CADM1: variants seen among roughly 807,000 people sequenced by gnomAD.
The protein encoded by CADM1 is cell adhesion molecule 1.
A neutral mutation model predicts 53.1 loss-of-function variants in CADM1; 15 were observed. The ratio of observed to expected loss-of-function variants is 0.28; its 90% CI spans 0.19 to 0.44. The LOEUF (loss-of-function observed/expected upper bound fraction) is 0.44, where lower values mean the gene tolerates loss of function less well. Ranked by LOEUF, CADM1 falls within the 20% of genes least tolerant of loss-of-function variation. The probability of loss-of-function intolerance (pLI) is 1.00; values close to 1 mark genes in which losing one functional copy is unlikely to be tolerated. For synonymous variants in CADM1, 281 were observed against 243.0 expected, an observed-to-expected ratio of 1.16 and a Z score of -1.45; for missense variants, 434 against 611.3, an observed-to-expected ratio of 0.71 and a Z score of 3.06.
chr11:115,368,358 G>A (rs755018638), intron 1 of CADM1, among the ~76,000 whole-genome samples: 12 of 152,024 alleles, frequency 7.9e-5, no homozygotes, highest in African/African-American at 1.9e-4. Flanking sequence ...AACACTTGTC[G>A]TTGTGAGGTC....
intron 1 of CADM1, among the ~76,000 whole-genome samples, chr11:115,407,111 G>A (rs1186654467): frequency 6.6e-6 from 1 of 152,016 alleles, no homozygotes; most frequent in Non-Finnish European, 1.5e-5. Context: ...ATTTCACCAG[G>A]ATTAACTGTA....
intron 1 of CADM1, among the ~76,000 whole-genome samples, chr11:115,351,708 C>T (rs1334344547): frequency 6.6e-6 from 1 of 152,136 alleles, no homozygotes; most frequent in East Asian, 1.9e-4. Flanking sequence ...ACACAGAAAA[C>T]ATTCTCTTAA....
chr11:115,257,878 G>A (rs993423701), intron 1 of CADM1, among the ~76,000 whole-genome samples: 5 of 152,210 alleles, frequency 3.3e-5, no homozygotes, highest in African/African-American at 1.2e-4. Context: ...GCCCTTCCCA[G>A]GGTTTCAGAT....
intron 1 of CADM1, among the ~76,000 whole-genome samples, chr11:115,499,727 C>A (rs1474518004): frequency 2.6e-5 from 4 of 152,238 alleles, no homozygotes; most frequent in Non-Finnish European, 4.4e-5. Context: ...CCTTCGGCTA[C>A]TTTACTTCAA....
In CADM1 at chr11:115,247,568, C is replaced by T. The variant is rs1461254648; in HGVS notation, c.125-7148G>A. Among the ~76,000 whole-genome samples the T allele has an allele frequency of 3.3e-5, 5 of 152,278 alleles. No homozygotes were observed. In the East Asian group the frequency reaches 9.6e-4, roughly 29 times the overall value. On this transcript the variant is annotated intron_variant, in intron 1 of 11. Transcript: ENST00000331581. ...CAAGGGGGTTAAAGATGGAATTTCA[C>T]CTTTAAGTCCAAAATGCACATGAAG...
intron 10 of CADM1, among the ~76,000 whole-genome samples, chr11:115,181,516 A>C (rs1939311014): frequency 6.6e-6 from 1 of 152,206 alleles, no homozygotes; most frequent in Admixed American, 6.5e-5. Context: ...TTAATCACCA[A>C]GACATTTCTC....
Position 115,173,788 on chromosome 11 carries a change from A to C in CADM1, c.*2686T>G, listed in dbSNP as rs1938888733. ...TTACACTGTAACATTGTCCATGTAC[A>C]CCTTAAAAACAGAACTGGCCTAAAG... On this transcript the variant is annotated 3_prime_UTR_variant, in exon 12 of 12. Coordinates refer to ENST00000331581, the MANE Select transcript of CADM1 (RefSeq NM_001301043.2). 2.0e-6 allele frequency: 2 copies of C among 984,548 alleles called. No individual in the cohort carries two copies. Among genetic ancestry groups the C allele is most frequent in the Non-Finnish European group, 1.2e-6 (1 of 829,474 alleles). 61.0% of individuals were successfully genotyped at this position (984,548 alleles called of 1,614,324 possible).
intron 1 of CADM1, chr11:115,363,656 T>C (rs954183197): frequency 6.6e-6 from 1 of 152,198 alleles, no homozygotes; most frequent in Admixed American, 6.5e-5. Context: ...TCAGTTCAAC[T>C]AGGAAGTCTG....
chr11:115,340,012 T>C (rs1401148513), intron 1 of CADM1: 1 of 152,158 alleles, frequency 6.6e-6, no homozygotes, highest in East Asian at 1.9e-4. Flanking sequence ...CAAATCAGCC[T>C]ACTCATCAGG....
At chr11:115,301,918 T>C (rs1302414910) in intron 1 of CADM1, among the ~76,000 whole-genome samples, 3 of 152,118 alleles carry the variant, frequency 2.0e-5, no homozygotes, top group Non-Finnish European at 4.4e-5. Flanking sequence ...AACATATATA[T>C]TTCTTAAAAC....
At chr11:115,471,766 A>C (rs1661191425) in intron 1 of CADM1, among the ~76,000 whole-genome samples, 1 of 152,164 alleles carries the variant, frequency 6.6e-6, no homozygotes, top group African/African-American at 2.4e-5. Context: ...AGGGTTTCAA[A>C]CGTGAGATGG....
At chr11:115,499,287 A>T (rs1223759748) in intron 1 of CADM1, among the ~76,000 whole-genome samples, 1 of 152,202 alleles carries the variant, frequency 6.6e-6, no homozygotes, top group East Asian at 1.9e-4. Flanking sequence ...AGAAATCTAA[A>T]TCTGAGCCTT....
At chr11:115,397,529 G>T (rs569497218) in intron 1 of CADM1, 25 of 152,314 alleles carry the variant, frequency 1.6e-4, no homozygotes, top group African/African-American at 4.6e-4. Flanking sequence ...ATCACTATCA[G>T]TAAAAGCGCT....
chr11:115,357,209 G>A (rs2135080762), intron 1 of CADM1, among the ~76,000 whole-genome samples: 1 of 152,208 alleles, frequency 6.6e-6, no homozygotes, highest in South Asian at 2.1e-4. Context: ...AAAGGCATTC[G>A]CTCCTGCTGT....
intron 1 of CADM1, among the ~76,000 whole-genome samples, chr11:115,502,695 C>T (rs1039074184): frequency 6.6e-6 from 1 of 152,126 alleles, no homozygotes; most frequent in African/African-American, 2.4e-5. Flanking sequence ...TTTCCCAAGC[C>T]GAGCTCCTTT....
intron 9 of CADM1, among the ~76,000 whole-genome samples, chr11:115,196,771 A>G (rs1427902232): frequency 6.6e-6 from 1 of 152,154 alleles, no homozygotes; most frequent in East Asian, 1.9e-4. Context: ...CTCAAAACTT[A>G]AAGTATCTTA....
intron 1 of CADM1, among the ~76,000 whole-genome samples, chr11:115,273,363 T>C (rs1943357300): frequency 6.6e-6 from 1 of 152,226 alleles, no homozygotes; most frequent in African/African-American, 2.4e-5. Flanking sequence ...TAAATGTTCC[T>C]CATTAACTGA....
intron 1 of CADM1, among the ~76,000 whole-genome samples, chr11:115,458,993 T>G (rs1399181879): frequency 1.3e-5 from 2 of 152,200 alleles, no homozygotes; most frequent in African/African-American, 4.8e-5. Flanking sequence ...ACTCATCATG[T>G]AAACAAAGAA....
At chr11:115,226,856 G>A (rs1387924874) in intron 5 of CADM1, among the ~76,000 whole-genome samples, 2 of 152,202 alleles carry the variant, frequency 1.3e-5, no homozygotes, top group Admixed American at 1.3e-4. Context: ...TGTGTTTGAA[G>A]AAGCTACAAA....
Sources: gnomAD v4.1 joint callset for allele counts (sites outside exome capture counted in the v4.1 genomes callset) on GRCh38, gnomAD v4.1.1 for gene constraint, MANE v1.5 for transcripts, NCBI Gene and HGNC (gene_info 2026-07-23, HGNC 2026-07-21) for gene names.